The following NCALD variants were observed in gnomAD, a reference collection of about 807,000 sequenced individuals.
NCALD encodes neurocalcin delta, also known as neurocalcin-delta.
Under a neutral mutation model 18.6 loss-of-function variants are expected in NCALD, and 10 were observed. That is an observed-to-expected ratio of 0.54 (90% CI 0.33 to 0.91). NCALD has a LOEUF of 0.91. NCALD is among the 40% of genes least tolerant of loss of function. The probability of loss-of-function intolerance (pLI) is 0.03; values close to 1 mark genes in which losing one functional copy is unlikely to be tolerated. For synonymous variants in NCALD, 88 were observed against 87.4 expected (o/e 1.01, Z -0.04); for missense variants, 184 against 247.6 (o/e 0.74, Z 1.72).
intron 2 of NCALD, among the ~76,000 whole-genome samples, chr8:101,969,879 T>C (rs1217387526): frequency 2.0e-5 from 3 of 152,212 alleles, no homozygotes; most frequent in African/African-American, 7.2e-5. Context: ...AGCTCTTAGA[T>C]TGATTTCAGG....
In NCALD at chr8:101,804,552, G is replaced by A. The variant is rs192014684; in HGVS notation, c.-20+82589C>T. Among the ~76,000 whole-genome samples, 601 of 100,492 alleles carry A rather than the reference G, an allele frequency of 6.0e-3. 79 individuals are homozygous for A. The highest frequency in any genetic ancestry group is 0.026 in the African/African-American group (493 of 18,690). 65.9% of individuals were successfully genotyped at this position (100,492 alleles called of 152,430 possible). Reference sequence around the variant, plus strand: ...TATATAATATATAATTAATATAATTGATTATATAATATATAATTAATATAA... The same window carrying A: ...TATATAATATATAATTAATATAATTAATTATATAATATATAATTAATATAA... On this transcript the variant is annotated intron_variant, in intron 4 of 6. Transcript: ENST00000311028.
chr8:102,044,548 G>A (rs1653780350), intron 1 of NCALD, among the ~76,000 whole-genome samples: 1 of 152,196 alleles, frequency 6.6e-6, no homozygotes, highest in Non-Finnish European at 1.5e-5. Context: ...AGTGTTTATT[G>A]AGCCTATAAC....
intron 4 of NCALD, among the ~76,000 whole-genome samples, chr8:101,809,701 C>A (rs535544565): frequency 6.6e-6 from 1 of 152,110 alleles, no homozygotes. Context: ...TGCGCCACCA[C>A]ACCCAGCTAA....
At chr8:101,958,339 C>A (rs1273394720) in intron 2 of NCALD, among the ~76,000 whole-genome samples, 1 of 152,000 alleles carries the variant, frequency 6.6e-6, no homozygotes, top group African/African-American at 2.4e-5. Context: ...ACCCTGTTAC[C>A]TTAATCTCAT....
At chr8:102,106,372 C>T (rs113646974) in intron 1 of NCALD, among the ~76,000 whole-genome samples, 18,389 of 151,252 alleles carry the variant, frequency 0.12, 1,339 homozygotes, top group Non-Finnish European at 0.16. Context: ...CCATACCTGG[C>T]GGAACAACAA....
intron 2 of NCALD, among the ~76,000 whole-genome samples, chr8:101,994,111 T>G (rs1446948743): frequency 6.6e-6 from 1 of 152,194 alleles, no homozygotes; most frequent in Non-Finnish European, 1.5e-5. Flanking sequence ...CTTCTTTTAC[T>G]TAACACATTT....
At chr8:101,880,258 G>T (rs1045054565) in intron 4 of NCALD, among the ~76,000 whole-genome samples, 13 of 152,130 alleles carry the variant, frequency 8.5e-5, no homozygotes, top group African/African-American at 3.1e-4. Context: ...GCCCCTTACT[G>T]CCCGGGGCCA....
At chr8:102,020,504 C>G (rs1175722554) in intron 1 of NCALD, 1 of 152,104 alleles carries the variant, frequency 6.6e-6, no homozygotes, top group Non-Finnish European at 1.5e-5. Context: ...AATATAATAT[C>G]TGCAGAATGC....
Position 101,955,039 on chromosome 8 carries a change from C to A in NCALD, c.-156-39181G>T, listed in dbSNP as rs374358012. Among the ~76,000 whole-genome samples the A allele has an allele frequency of 6.6e-4, 101 of 152,184 alleles. 1 individual carries two copies. Among genetic ancestry groups the A allele is most frequent in the African/African-American group, 2.3e-3 (97 of 41,510 alleles). On this transcript the variant is annotated intron_variant, in intron 2 of 6. Transcript: ENST00000311028. ...TGGCTTAGTTCATGTCACTCAGAAC[C>A]CAGAGATCTTTCCTCCATCCCATAG...
chr8:101,878,111 T>C (rs1029773549), intron 4 of NCALD, among the ~76,000 whole-genome samples: 3 of 152,156 alleles, frequency 2.0e-5, no homozygotes, highest in Admixed American at 1.3e-4. Flanking sequence ...GGGAAAAACA[T>C]ATAGTAAATG....
intron 3 of NCALD, among the ~76,000 whole-genome samples, chr8:101,888,493 G>C (rs562783951): frequency 3.9e-5 from 6 of 152,144 alleles, no homozygotes; most frequent in Non-Finnish European, 7.4e-5. Context: ...TAATAGCTCA[G>C]TGTAACCTCA....
intron 1 of NCALD, among the ~76,000 whole-genome samples, chr8:101,751,060 A>G (rs554297356): frequency 1.3e-5 from 2 of 152,304 alleles, no homozygotes; most frequent in South Asian, 4.1e-4. Flanking sequence ...ACTGTTACAA[A>G]CCACACATAG....
chr8:101,858,135 T>C (rs1815394631), intron 4 of NCALD, among the ~76,000 whole-genome samples: 1 of 150,426 alleles, frequency 6.6e-6, no homozygotes, highest in African/African-American at 2.5e-5. Flanking sequence ...ACAACTCTAA[T>C]AAAATGACAG....
At chr8:101,970,066 A>C (rs533771556) in intron 2 of NCALD, among the ~76,000 whole-genome samples, 16 of 152,340 alleles carry the variant, frequency 1.1e-4, no homozygotes, top group East Asian at 1.9e-4. Flanking sequence ...AAAGATGAGG[A>C]AAAGCCGCTC....
At chr8:102,098,251 TG>T (rs1230963482) in intron 1 of NCALD, among the ~76,000 whole-genome samples, 1 of 152,076 alleles carries the variant, frequency 6.6e-6, no homozygotes, top group Non-Finnish European at 1.5e-5. Flanking sequence ...CTAGATGGGC[TG>T]GGGTAATGGG....
chr8:101,845,157 T>C (rs919768122), intron 4 of NCALD, among the ~76,000 whole-genome samples: 7 of 152,260 alleles, frequency 4.6e-5, no homozygotes, highest in Non-Finnish European at 1.0e-4. Context: ...GATTTGTTTC[T>C]TGTTGTGCAC....
intron 4 of NCALD, among the ~76,000 whole-genome samples, chr8:101,875,719 G>A (rs560984106): frequency 1.3e-5 from 2 of 152,168 alleles, no homozygotes; most frequent in Non-Finnish European, 2.9e-5. Flanking sequence ...GACGTGGAAG[G>A]CACCAAAAAC....
intron 2 of NCALD, among the ~76,000 whole-genome samples, chr8:101,978,841 G>A (rs910400059): frequency 6.6e-6 from 1 of 152,190 alleles, no homozygotes; most frequent in Non-Finnish European, 1.5e-5. Flanking sequence ...AGGAAGGCAG[G>A]CAAGCTCTCC....
chr8:102,045,427 C>A (rs7817325), intron 1 of NCALD, among the ~76,000 whole-genome samples: 1 of 152,110 alleles, frequency 6.6e-6, no homozygotes, highest in Non-Finnish European at 1.5e-5. Context: ...AATTAGAAAA[C>A]GCTTACATTT....
Sources: gnomAD v4.1 joint callset for allele counts (sites outside exome capture counted in the v4.1 genomes callset) on GRCh38, gnomAD v4.1.1 for gene constraint, MANE v1.5 for transcripts, NCBI Gene and HGNC (gene_info 2026-07-23, HGNC 2026-07-21) for gene names.